AGGF1: variants seen among roughly 807,000 people sequenced by gnomAD.
AGGF1 encodes the protein angiogenic factor with G-patch and FHA domains 1.
In AGGF1, 56 loss-of-function variants were observed where a neutral mutation model predicts 86.5. The observed-to-expected ratio is 0.65, with a 90% CI of 0.52 to 0.81. The LOEUF (loss-of-function observed/expected upper bound fraction) is 0.81, where lower values mean the gene tolerates loss of function less well. AGGF1 is among the 30% of genes least tolerant of loss of function. The probability of loss-of-function intolerance (pLI) is 0.00; values close to 1 mark genes in which losing one functional copy is unlikely to be tolerated. For synonymous variants in AGGF1, 313 were observed against 297.1 expected (o/e 1.05, Z -0.55); for missense variants, 816 against 850.9 (o/e 0.96, Z 0.51).
chr5:77,038,190 T>G (rs1747000008), intron 4 of AGGF1, among the ~76,000 whole-genome samples: 2 of 152,198 alleles, frequency 1.3e-5, no homozygotes, highest in African/African-American at 4.8e-5. Context: ...AAGAGAGGGT[T>G]TTCTTTCATG....
intron 3 of AGGF1, 54 bp downstream of exon 3, chr5:77,035,797 G>A: frequency 6.7e-7 from 1 of 1,486,588 alleles, no homozygotes; most frequent in South Asian, 1.1e-5. Flanking sequence ...GTCCTTCTTT[G>A]TTGTTATTAT....
At chr5:77,059,372 G>C (rs1305714539) in intron 11 of AGGF1, among the ~76,000 whole-genome samples, 2 of 152,006 alleles carry the variant, frequency 1.3e-5, no homozygotes, top group Non-Finnish European at 2.9e-5. Context: ...GTAGAGATGG[G>C]GGTCTTGCTG....
At chr5:77,053,817 G>T (rs910256205) in intron 9 of AGGF1, 148 bp from the exon 10 acceptor site, 16 of 798,874 alleles carry the variant, frequency 2.0e-5, no homozygotes, top group Non-Finnish European at 3.0e-5. Flanking sequence ...GGGGAAGTGT[G>T]TGCATGTGTG....
intron 11 of AGGF1, among the ~76,000 whole-genome samples, chr5:77,055,834 A>G (rs1340762648): frequency 6.6e-6 from 1 of 152,202 alleles, no homozygotes; most frequent in African/African-American, 2.4e-5. Context: ...TTGCATTAAG[A>G]TGCCTTGACA....
intron 7 of AGGF1, 63 bp downstream of exon 7, chr5:77,048,335 A>G: frequency 7.5e-7 from 1 of 1,329,658 alleles, no homozygotes; most frequent in South Asian, 1.2e-5. Flanking sequence ...TATTAAGAGC[A>G]TGTATTTTTG....
rs142520961 is a variant in AGGF1, at chr5:77,040,782, C to G, written c.870+1063C>G. Among the ~76,000 whole-genome samples the G allele has an allele frequency of 4.6e-5, 7 of 152,258 alleles. No individual in the cohort carries two copies. The East Asian group carries it at 9.7e-4, about 21-fold the overall frequency. ...TGATATCTTACTCTTGAAATTTTATCTCATGGTTTCCTGTCCTGTCCTTTC... is the reference window on the plus strand; with the variant it reads ...TGATATCTTACTCTTGAAATTTTATGTCATGGTTTCCTGTCCTGTCCTTTC... On this transcript the variant is annotated intron_variant, in intron 5 of 13. Coordinates refer to ENST00000312916, the MANE Select transcript of AGGF1 (RefSeq NM_018046.5).
chr5:77,036,538 T>C lies in AGGF1; in HGVS notation c.517-18T>C. On this transcript the variant is annotated intron_variant, in intron 3 of 13. Coordinates refer to ENST00000312916, the MANE Select transcript of AGGF1 (RefSeq NM_018046.5). Reference sequence around the variant, plus strand: ...ACAGAAGCTTTTGTCTTATTTGGCATGACTATATCTTTTATAGGAGCCAGC... The same window carrying C: ...ACAGAAGCTTTTGTCTTATTTGGCACGACTATATCTTTTATAGGAGCCAGC... 1 of 1,613,902 alleles carries C rather than the reference T, an allele frequency of 6.2e-7. No homozygotes were observed. Among genetic ancestry groups the C allele is most frequent in the Non-Finnish European group, 8.5e-7 (1 of 1,179,850 alleles).
chr5:77,047,058 A>G (rs1747269071), intron 6 of AGGF1, among the ~76,000 whole-genome samples: 2 of 152,222 alleles, frequency 1.3e-5, no homozygotes, highest in African/African-American at 2.4e-5. Flanking sequence ...ATTCAGCTAC[A>G]TGGATATTAT....
At chr5:77,035,952 G>A in intron 3 of AGGF1, 1 of 528,854 alleles carries the variant, frequency 1.9e-6, no homozygotes, top group Non-Finnish European at 3.3e-6. Context: ...CTACTACATT[G>A]TGTTCCAAAA....
intron 4 of AGGF1, among the ~76,000 whole-genome samples, chr5:77,037,354 A>T (rs1746985823): frequency 6.6e-6 from 1 of 152,246 alleles, no homozygotes; most frequent in Non-Finnish European, 1.5e-5. Context: ...TGAGAATTTT[A>T]AAAATTATAT....
intron 2 of AGGF1, 47 bp downstream of exon 2, chr5:77,034,567 C>A: frequency 7.9e-7 from 1 of 1,268,716 alleles, no homozygotes; most frequent in Non-Finnish European, 1.2e-6. Context: ...ACATTCAAAT[C>A]ATGCTAATGT....
intron 4 of AGGF1, among the ~76,000 whole-genome samples, chr5:77,037,807 G>C (rs1746992466): frequency 6.6e-6 from 1 of 152,270 alleles, no homozygotes; most frequent in South Asian, 2.1e-4. Context: ...CAATCTGTTA[G>C]CAATGAGAAC....
At chr5:77,051,705 G>T (rs1167005247) in intron 8 of AGGF1, among the ~76,000 whole-genome samples, 3 of 152,134 alleles carry the variant, frequency 2.0e-5, no homozygotes, top group Non-Finnish European at 4.4e-5. Context: ...GTATTCCAGA[G>T]AAACATTTGC....
At chr5:77,041,226 C>CT (rs1017177934) in intron 5 of AGGF1, among the ~76,000 whole-genome samples, 1 of 152,142 alleles carries the variant, frequency 6.6e-6, no homozygotes, top group African/African-American at 2.4e-5. Flanking sequence ...TTCAAGATCT[C>CT]TGTTTTAATG....
Position 77,036,625 on chromosome 5 carries a change from G to A in AGGF1, c.586G>A (p.Ala196Thr). The change falls in exon 4 of 14, where the codon GCT (alanine) becomes ACT (threonine). Residue 196 changes from alanine to threonine, a missense_variant. By Grantham distance (58) the Ala-to-Thr change is moderately conservative. Coordinates refer to ENST00000312916, the MANE Select transcript of AGGF1 (RefSeq NM_018046.5). ...EGSSLAESLR[A>T]AAEAAVSQTG... ...CTCATCATTAGCTGAAAGTTTGAGA[G>A]CTGCAGCAGAAGCGGCTGTATCACA... 6.2e-7 allele frequency: 1 copy of A among 1,614,008 alleles called. No homozygotes were observed. The highest frequency in any genetic ancestry group is 8.5e-7 in the Non-Finnish European group (1 of 1,179,984).
chr5:77,041,729 C>G (rs1349233571), intron 5 of AGGF1, among the ~76,000 whole-genome samples: 1 of 150,800 alleles, frequency 6.6e-6, no homozygotes, highest in African/African-American at 2.4e-5. Context: ...GCTCCCATAA[C>G]TACTCATCTT....
chr5:77,038,108 A>G (rs895145626), intron 4 of AGGF1, among the ~76,000 whole-genome samples: 3 of 152,220 alleles, frequency 2.0e-5, no homozygotes, highest in Non-Finnish European at 2.9e-5. Context: ...AGATAATACT[A>G]AATATCTCAA....
intron 5 of AGGF1, 87 bp from the exon 6 acceptor site, chr5:77,046,259 AT>A: frequency 8.8e-7 from 1 of 1,136,274 alleles, no homozygotes; most frequent in Non-Finnish European, 1.3e-6. Flanking sequence ...ATCTTCACGA[AT>A]TCGTTGAAAC....
chr5:77,055,259 T>G (rs955422442), intron 10 of AGGF1, among the ~76,000 whole-genome samples: 1 of 152,192 alleles, frequency 6.6e-6, no homozygotes, highest in African/African-American at 2.4e-5. Context: ...AAAATCGAGA[T>G]GTTCATTGTT....
Sources: allele counts gnomAD v4.1 joint callset (sites outside exome capture counted in the v4.1 genomes callset), GRCh38; gene constraint gnomAD v4.1.1; transcripts MANE v1.5; gene names NCBI Gene and HGNC (gene_info 2026-07-23, HGNC 2026-07-21).